DLC1: variants seen among roughly 807,000 people sequenced by gnomAD.
DLC1 encodes the protein rho GTPase-activating protein 7.
DLC1 carries 54 observed loss-of-function variants against 140.3 expected under a neutral mutation model. The ratio of observed to expected loss-of-function variants is 0.38; its 90% CI spans 0.31 to 0.48. The LOEUF is 0.48. DLC1 is among the 20% of genes least tolerant of loss of function. The pLI is 0.96. For synonymous variants in DLC1, 986 were observed against 728.1 expected (o/e 1.35, Z -5.70); for missense variants, 2,536 against 1,907.0 (o/e 1.33, Z -6.14).
chr8:13,513,359 G>T (rs1802461577), intron 1 of DLC1, among the ~76,000 whole-genome samples: 1 of 152,028 alleles, frequency 6.6e-6, no homozygotes, highest in South Asian at 2.1e-4. Context: ...TATTTAAGAA[G>T]TTTTAACACA....
chr8:13,212,886 T>A (rs919630501), intron 5 of DLC1, among the ~76,000 whole-genome samples: 2 of 152,228 alleles, frequency 1.3e-5, no homozygotes, highest in African/African-American at 2.4e-5. Context: ...AGCTTAAGCT[T>A]TCACTCTTTT....
At chr8:13,553,946 T>G (rs13275339) in intron 1 of DLC1, among the ~76,000 whole-genome samples, 57,296 of 151,990 alleles carry the variant, frequency 0.38, 11,016 homozygotes, top group South Asian at 0.42. Context: ...GCCCTTTGCT[T>G]GATCTTTCTA....
chr8:13,375,186 C>A (rs1835917155), intron 4 of DLC1, among the ~76,000 whole-genome samples: 1 of 152,194 alleles, frequency 6.6e-6, no homozygotes, highest in African/African-American at 2.4e-5. Context: ...CGCCACTATG[C>A]CCGGCTAAAT....
At chr8:13,493,817 A>G (rs1801375371) in intron 2 of DLC1, among the ~76,000 whole-genome samples, 1 of 152,118 alleles carries the variant, frequency 6.6e-6, no homozygotes, top group African/African-American at 2.4e-5. Flanking sequence ...GGTCAATGTT[A>G]TCCTCCCCTT....
intron 5 of DLC1, chr8:13,304,490 A>T (rs1832335826): frequency 4.5e-6 from 1 of 223,876 alleles, no homozygotes; most frequent in Non-Finnish European, 7.5e-6. Flanking sequence ...CCGCCAGACA[A>T]ACTCTACTGC....
rs1818928040 is a variant in DLC1, at chr8:13,100,218, TCTC to T, written c.2116_2118del (p.Glu706del). On this transcript the variant is annotated inframe_deletion, in exon 9 of 18. Transcript: ENST00000276297. ...TCCACGCAGTTGAGCTGCTTCAGCT[TCTC>T]CTCATCCATCCCCTCTTGCAAGATG... The T allele has an allele frequency of 6.2e-7, 1 of 1,614,078 alleles. No individual in the cohort carries two copies. The highest frequency in any genetic ancestry group is 1.1e-5 in the South Asian group (1 of 91,088).
intron 5 of DLC1, among the ~76,000 whole-genome samples, chr8:13,258,010 C>T (rs896840919): frequency 6.6e-6 from 1 of 152,220 alleles, no homozygotes; most frequent in African/African-American, 2.4e-5. Context: ...CGGACTTCTC[C>T]AAGGCTATAA....
At chr8:13,553,954 C>T (rs998210070) in intron 1 of DLC1, among the ~76,000 whole-genome samples, 1 of 152,082 alleles carries the variant, frequency 6.6e-6, no homozygotes, top group African/African-American at 2.4e-5. Context: ...CTTGATCTTT[C>T]TAACATCCCT....
chr8:13,427,676 T>C (rs1053276207), intron 2 of DLC1, among the ~76,000 whole-genome samples: 1 of 152,180 alleles, frequency 6.6e-6, no homozygotes, highest in Non-Finnish European at 1.5e-5. Context: ...TACTCAGTCT[T>C]TTGTACTGTA....
chr8:13,549,893 C>G (rs1242317937), intron 1 of DLC1, among the ~76,000 whole-genome samples: 2 of 152,132 alleles, frequency 1.3e-5, no homozygotes, highest in African/African-American at 2.4e-5. Flanking sequence ...TCAAAAGTGG[C>G]TCTCCGGCTT....
At chr8:13,539,882 G>A (rs1327378369) in intron 1 of DLC1, among the ~76,000 whole-genome samples, 1 of 151,946 alleles carries the variant, frequency 6.6e-6, no homozygotes, top group Non-Finnish European at 1.5e-5. Context: ...AGGAAGTGCT[G>A]ATTCAATTAT....
intron 4 of DLC1, among the ~76,000 whole-genome samples, chr8:13,367,294 T>A (rs1027641887): frequency 6.6e-6 from 1 of 152,100 alleles, no homozygotes; most frequent in African/African-American, 2.4e-5. Flanking sequence ...TCTCACTCAA[T>A]CCATCCAGAT....
chr8:13,149,832 G>A (rs1049891650), intron 5 of DLC1, among the ~76,000 whole-genome samples: 9 of 152,346 alleles, frequency 5.9e-5, no homozygotes, highest in African/African-American at 1.9e-4. Context: ...TCCATGAACA[G>A]CTCCTGGGGG....
intron 2 of DLC1, among the ~76,000 whole-genome samples, chr8:13,444,171 G>A (rs1301332702): frequency 6.6e-6 from 1 of 151,948 alleles, no homozygotes; most frequent in Non-Finnish European, 1.5e-5. Flanking sequence ...TTTGTCAGAT[G>A]GGTAGATTGC....
At chr8:13,604,096 A>C (rs1323708992) in intron 1 of DLC1, among the ~76,000 whole-genome samples, 2 of 152,172 alleles carry the variant, frequency 1.3e-5, no homozygotes, top group African/African-American at 4.8e-5. Flanking sequence ...ATGTTATGAT[A>C]TGCTGAAATT....
At chr8:13,162,602 C>T (rs949585026) in intron 5 of DLC1, among the ~76,000 whole-genome samples, 2 of 152,168 alleles carry the variant, frequency 1.3e-5, no homozygotes, top group Non-Finnish European at 2.9e-5. Context: ...GGATTACAGG[C>T]GTGAGCCACG....
At chr8:13,404,598 A>G (rs1420253948) in intron 2 of DLC1, among the ~76,000 whole-genome samples, 2 of 152,162 alleles carry the variant, frequency 1.3e-5, no homozygotes, top group African/African-American at 4.8e-5. Flanking sequence ...TATTGGAAGG[A>G]ATTCCCTGGG....
chr8:13,263,168 G>A (rs1316046462), intron 5 of DLC1, among the ~76,000 whole-genome samples: 1 of 152,128 alleles, frequency 6.6e-6, no homozygotes, highest in Non-Finnish European at 1.5e-5. Context: ...ACTTGTTCAA[G>A]GGAATCTTTG....
chr8:13,342,029 A>C (rs1275844850), intron 4 of DLC1: 1 of 152,244 alleles, frequency 6.6e-6, no homozygotes, highest in Non-Finnish European at 1.5e-5. Flanking sequence ...GATCGAGAGG[A>C]TACATTTGGC....
Sources: gnomAD v4.1 joint callset for allele counts (sites outside exome capture counted in the v4.1 genomes callset) on GRCh38, gnomAD v4.1.1 for gene constraint, MANE v1.5 for transcripts, NCBI Gene and HGNC (gene_info 2026-07-23, HGNC 2026-07-21) for gene names.